Variants in AFG1L observed in about 807,000 individuals in gnomAD.
AFG1L encodes AFG1 like ATPase.
Under a neutral mutation model 62.2 loss-of-function variants are expected in AFG1L, and 53 were observed. The observed-to-expected ratio is 0.85, with a 90% confidence interval of 0.68 to 1.07. The LOEUF is 1.07. AFG1L is among the 50% of genes least tolerant of loss of function. AFG1L has a pLI of 0.00. For synonymous variants in AFG1L, 228 were observed against 210.3 expected (o/e 1.08, Z -0.73); for missense variants, 555 against 590.5 (o/e 0.94, Z 0.62).
chr6:108,463,395 ACTT>A (rs1326563461), intron 8 of AFG1L, among the ~76,000 whole-genome samples: 3 of 137,794 alleles, frequency 2.2e-5, no homozygotes, highest in Non-Finnish European at 4.6e-5. Context: ...TTACTCTCCA[ACTT>A]CTTCTCCCTC....
At chr6:108,458,705 G>T (rs927268757) in intron 8 of AFG1L, among the ~76,000 whole-genome samples, 2 of 152,044 alleles carry the variant, frequency 1.3e-5, no homozygotes, top group Non-Finnish European at 2.9e-5. Context: ...CAGTTTTAAT[G>T]TCTTTGTCTA....
intron 7 of AFG1L, among the ~76,000 whole-genome samples, chr6:108,417,235 AACACAC>A (rs147614070): frequency 2.2e-5 from 3 of 133,604 alleles, no homozygotes; most frequent in African/African-American, 5.8e-5. Flanking sequence ...CATTGTCTTA[AACACAC>A]ACACACACAC....
intron 8 of AFG1L, among the ~76,000 whole-genome samples, chr6:108,473,794 G>A (rs1053070937): frequency 6.6e-6 from 1 of 152,116 alleles, no homozygotes; most frequent in Non-Finnish European, 1.5e-5. Context: ...CCTGACCTCA[G>A]ATGATTCGCC....
intron 12 of AFG1L, chr6:108,521,956 C>G (rs532046683): frequency 1.6e-5 from 3 of 187,136 alleles, no homozygotes; most frequent in East Asian, 1.4e-4. Context: ...AGGGCCTCCC[C>G]CTTAGGCACT....
intron 10 of AFG1L, among the ~76,000 whole-genome samples, chr6:108,488,200 T>G (rs1403786209): frequency 2.6e-5 from 4 of 152,196 alleles, no homozygotes; most frequent in African/African-American, 9.6e-5. Context: ...CCACCAAATA[T>G]TTATAGAGTA....
intron 6 of AFG1L, among the ~76,000 whole-genome samples, chr6:108,371,802 G>A (rs1780019320): frequency 6.6e-6 from 1 of 152,070 alleles, no homozygotes; most frequent in Non-Finnish European, 1.5e-5. Flanking sequence ...TCTGGCCCAG[G>A]CTGGAGTGCA....
At chr6:108,401,805 AT>A (rs1781629859) in intron 6 of AFG1L, among the ~76,000 whole-genome samples, 190 bp from the exon 7 acceptor site, 1 of 151,278 alleles carries the variant, frequency 6.6e-6, no homozygotes, top group Admixed American at 6.6e-5. Context: ...GTGGCTGTTA[AT>A]TTTTTTCTTT....
At chr6:108,411,784 A>G (rs1368862440) in intron 7 of AFG1L, among the ~76,000 whole-genome samples, 1 of 152,260 alleles carries the variant, frequency 6.6e-6, no homozygotes, top group Non-Finnish European at 1.5e-5. Context: ...CCAAAGGTAG[A>G]TAAAACCACA....
intron 7 of AFG1L, among the ~76,000 whole-genome samples, chr6:108,403,087 G>A (rs1437404645): frequency 6.6e-6 from 1 of 151,938 alleles, no homozygotes; most frequent in Non-Finnish European, 1.5e-5. Context: ...TGTTGCATTA[G>A]GCATAATGGA....
intron 7 of AFG1L, among the ~76,000 whole-genome samples, chr6:108,410,591 A>G (rs1782055304): frequency 6.6e-6 from 1 of 152,198 alleles, no homozygotes; most frequent in Non-Finnish European, 1.5e-5. Context: ...TCCTTAGTGA[A>G]GTTTCCTGAA....
chr6:108,482,219 AC>A (rs148234469), intron 10 of AFG1L, among the ~76,000 whole-genome samples: 13,915 of 152,268 alleles, frequency 0.091, 732 homozygotes, highest in South Asian at 0.25. Context: ...ACAAAATCAT[AC>A]ATGACAAAAG....
intron 8 of AFG1L, 30 bp downstream of exon 8, chr6:108,447,326 G>A (rs774100854): frequency 8.9e-6 from 11 of 1,236,064 alleles, no homozygotes; most frequent in African/African-American, 1.5e-5. Flanking sequence ...AAAGTTTAAT[G>A]TCTAATCGTT....
chr6:108,486,691 A>G (rs2114840570), intron 10 of AFG1L, among the ~76,000 whole-genome samples: 1 of 152,218 alleles, frequency 6.6e-6, no homozygotes, highest in East Asian at 1.9e-4. Context: ...AGATTACTAC[A>G]TTGACTTTGG....
chr6:108,487,434 TTCA>T (rs1773614828), intron 10 of AFG1L, among the ~76,000 whole-genome samples: 1 of 152,234 alleles, frequency 6.6e-6, no homozygotes, highest in African/African-American at 2.4e-5. Flanking sequence ...ACTTAACCAC[TTCA>T]CCATTCTGGG....
chr6:108,520,810 A>C (rs1775096704), intron 12 of AFG1L: 2 of 153,496 alleles, frequency 1.3e-5, no homozygotes, highest in East Asian at 3.8e-4. Context: ...GGGAAGTCCA[A>C]GATCAGGGTG....
intron 10 of AFG1L, among the ~76,000 whole-genome samples, chr6:108,503,173 C>T (rs868582018): frequency 6.6e-5 from 10 of 152,156 alleles, no homozygotes; most frequent in African/African-American, 2.4e-4. Flanking sequence ...GTTGATATTT[C>T]GACCTTCTCC....
At chr6:108,513,446 A>C (rs1774746897) in intron 11 of AFG1L, among the ~76,000 whole-genome samples, 1 of 152,216 alleles carries the variant, frequency 6.6e-6, no homozygotes, top group African/African-American at 2.4e-5. Context: ...GTCTTAGCAA[A>C]CGGCACACCA....
intron 7 of AFG1L, among the ~76,000 whole-genome samples, chr6:108,441,698 A>AT (rs986083187): frequency 1.4e-4 from 18 of 124,494 alleles, no homozygotes; most frequent in African/African-American, 6.2e-4. Context: ...TCTGAGGTTT[A>AT]TTTAAAAAAA....
intron 11 of AFG1L, among the ~76,000 whole-genome samples, chr6:108,510,887 G>A (rs1774618372): frequency 6.6e-6 from 1 of 152,068 alleles, no homozygotes; most frequent in Non-Finnish European, 1.5e-5. Flanking sequence ...GACCAGCCTG[G>A]ACAACATAGC....
Sources: gnomAD v4.1 joint callset for allele counts (sites outside exome capture counted in the v4.1 genomes callset) on GRCh38, gnomAD v4.1.1 for gene constraint, MANE v1.5 for transcripts, NCBI Gene and HGNC (gene_info 2026-07-23, HGNC 2026-07-21) for gene names.